Variants in KCNH8 observed in about 807,000 individuals in gnomAD.
The protein encoded by KCNH8 is voltage-gated delayed rectifier potassium channel KCNH8.
KCNH8 carries 70 observed loss-of-function variants against 103.6 expected under a neutral mutation model. The ratio of observed to expected loss-of-function variants is 0.68; its 90% CI spans 0.56 to 0.82. The LOEUF (loss-of-function observed/expected upper bound fraction) is 0.82, where lower values mean the gene tolerates loss of function less well. Among genes scored for constraint, KCNH8 ranks in the 40% least tolerant of loss-of-function variants. The probability of loss-of-function intolerance (pLI) is 0.00; values close to 1 mark genes in which losing one functional copy is unlikely to be tolerated. For missense variants in KCNH8, 1,217 were observed against 1,329.9 expected (o/e 0.92, Z 1.32); for synonymous variants, 498 against 489.4 (o/e 1.02, Z -0.23).
chr3:19,290,569 A>T lies in KCNH8; in HGVS notation c.442+9240A>T, dbSNP rs149498603. ...TACATTTATTGATTTGCGTATGTTG[A>T]ACCAGCCTTGCATCCCAGGGTTGAA... On this transcript the variant is annotated intron_variant, in intron 3 of 15. Transcript: ENST00000328405. Among the ~76,000 whole-genome samples, 438 of 152,272 alleles carry T rather than the reference A, an allele frequency of 2.9e-3. 3 individuals are homozygous for T. The highest frequency in any genetic ancestry group is 9.9e-3 in the African/African-American group (413 of 41,550).
At chr3:19,287,778 G>A (rs934447649) in intron 3 of KCNH8, among the ~76,000 whole-genome samples, 4 of 152,130 alleles carry the variant, frequency 2.6e-5, no homozygotes, top group Non-Finnish European at 5.9e-5. Context: ...TAGAGACGGG[G>A]TTTCATCATG....
intron 2 of KCNH8, among the ~76,000 whole-genome samples, chr3:19,267,363 G>T (rs1275020516): frequency 6.6e-6 from 1 of 152,056 alleles, no homozygotes; most frequent in Non-Finnish European, 1.5e-5. Context: ...TAGAAACTCC[G>T]GCATGTAAAT....
intron 1 of KCNH8, among the ~76,000 whole-genome samples, chr3:19,166,248 T>G (rs2063282411): frequency 6.6e-6 from 1 of 152,234 alleles, no homozygotes; most frequent in Non-Finnish European, 1.5e-5. Context: ...TAAAATGGCT[T>G]TTTTATTTCC....
At chr3:19,280,971 T>C (rs982933272) in intron 2 of KCNH8, among the ~76,000 whole-genome samples, 4 of 152,118 alleles carry the variant, frequency 2.6e-5, no homozygotes, top group Non-Finnish European at 5.9e-5. Flanking sequence ...CAAGTGTTTT[T>C]GTTTAAAATA....
chr3:19,150,888 A>G (rs968950172), intron 1 of KCNH8, among the ~76,000 whole-genome samples: 1 of 152,184 alleles, frequency 6.6e-6, no homozygotes, highest in African/African-American at 2.4e-5. Context: ...GCAAATTTGA[A>G]GGTGATAAGT....
chr3:19,448,975 T>G, intron 8 of KCNH8: 1 of 1,286,322 alleles, frequency 7.8e-7, no homozygotes, highest in Non-Finnish European at 1.0e-6. Flanking sequence ...TATCTGCTGG[T>G]TTAGAAACCA....
rs138716977 is a variant in KCNH8, at chr3:19,495,292, T to A, written c.2041-15071T>A. On this transcript the variant is annotated intron_variant, in intron 11 of 15. Coordinates refer to ENST00000328405, the MANE Select transcript of KCNH8 (RefSeq NM_144633.3). ...GCCAGGTCCTATGTCCAGAATGGTA[T>A]TGCCTAGGTTGTCTTCCAGAGTTTT... Among the ~76,000 whole-genome samples, 1,211 of 152,316 alleles carry A rather than the reference T, an allele frequency of 8.0e-3. 19 individuals are homozygous for A. The highest frequency in any genetic ancestry group is 0.027 in the African/African-American group (1,132 of 41,582).
rs71055060 is a variant in KCNH8 at position 19,258,947 on chromosome 3, C to CTATATATATA, written c.310+5086_310+5095dup. 2.6e-3 allele frequency among the ~76,000 whole-genome samples: 65 copies of CTATATATATA among 24,790 alleles called. 1 individual carries two copies. Among genetic ancestry groups the CTATATATATA allele is most frequent in the African/African-American group, 3.1e-3 (21 of 6,724 alleles). 16.3% of individuals were successfully genotyped at this position (24,790 alleles called of 152,430 possible). A position where few individuals can be genotyped will look rare whatever the true frequency, so the allele number is the denominator to read the frequency against. On this transcript the variant is annotated intron_variant, in intron 2 of 15. Coordinates refer to ENST00000328405, the MANE Select transcript of KCNH8 (RefSeq NM_144633.3). ...TCTCTCTCTCTCTCTCTCTCTCTCT[C>CTATATATATA]TATATATATATATATATATATATAT... is the stretch of plus-strand genomic sequence containing the variant.
intron 2 of KCNH8, among the ~76,000 whole-genome samples, chr3:19,279,314 C>T (rs2064722908): frequency 6.6e-6 from 1 of 152,110 alleles, no homozygotes; most frequent in South Asian, 2.1e-4. Flanking sequence ...GAATCACAAA[C>T]ACTTGAGTTG....
chr3:19,504,574 GA>G (rs910353120), intron 11 of KCNH8, among the ~76,000 whole-genome samples: 8 of 152,062 alleles, frequency 5.3e-5, no homozygotes, highest in African/African-American at 1.7e-4. Context: ...ACAGTCATAT[GA>G]AAAAAAGCTC....
At chr3:19,383,615 C>T (rs2066317287) in intron 5 of KCNH8, among the ~76,000 whole-genome samples, 1 of 152,158 alleles carries the variant, frequency 6.6e-6, no homozygotes, top group South Asian at 2.1e-4. Flanking sequence ...TCATGTGATC[C>T]ACCCGCCTTG....
intron 3 of KCNH8, among the ~76,000 whole-genome samples, chr3:19,314,099 T>C (rs949023761): frequency 2.6e-5 from 4 of 152,004 alleles, no homozygotes; most frequent in Admixed American, 1.3e-4. Context: ...AGCTGGGTCA[T>C]CATACTTTCT....
At chr3:19,439,850 A>G (rs2067255118) in intron 8 of KCNH8, among the ~76,000 whole-genome samples, 2 of 152,096 alleles carry the variant, frequency 1.3e-5, no homozygotes, top group South Asian at 2.1e-4. Flanking sequence ...AAGGGAATAG[A>G]TATTGCAAAG....
chr3:19,342,805 T>G, intron 4 of KCNH8, 91 bp downstream of exon 4: 1 of 1,280,440 alleles, frequency 7.8e-7, no homozygotes, highest in Non-Finnish European at 1.1e-6. Flanking sequence ...TACCCATTTA[T>G]TGGCTTGCCT....
At chr3:19,435,586 T>C (rs148183934) in intron 7 of KCNH8, among the ~76,000 whole-genome samples, 157 of 152,328 alleles carry the variant, frequency 1.0e-3, no homozygotes, top group South Asian at 2.9e-3. Context: ...ACAACATGGC[T>C]CATTCATACC....
At chr3:19,246,429 AC>A (rs1266814213) in intron 1 of KCNH8, among the ~76,000 whole-genome samples, 1 of 151,464 alleles carries the variant, frequency 6.6e-6, no homozygotes, top group African/African-American at 2.4e-5. Context: ...GGCACGTGCC[AC>A]CATGCCCAGC....
chr3:19,355,263 G>A (rs9859145), intron 5 of KCNH8, among the ~76,000 whole-genome samples: 63,230 of 151,966 alleles, frequency 0.42, 14,361 homozygotes, highest in African/African-American at 0.6. Flanking sequence ...GGAGAAATAG[G>A]AACACTTTTA....
chr3:19,209,474 T>C (rs1436402185), intron 1 of KCNH8, among the ~76,000 whole-genome samples: 1 of 152,114 alleles, frequency 6.6e-6, no homozygotes, highest in African/African-American at 2.4e-5. Flanking sequence ...AAGTAGGTTC[T>C]TCTAAACAAA....
intron 7 of KCNH8, among the ~76,000 whole-genome samples, chr3:19,413,194 GA>G (rs796510772): frequency 0.038 from 4,847 of 126,774 alleles, 90 homozygotes; most frequent in African/African-American, 0.048. Context: ...TAGCCAAAAA[GA>G]AAAAAAAAAA....
Sources: allele counts gnomAD v4.1 joint callset (sites outside exome capture counted in the v4.1 genomes callset), GRCh38; gene constraint gnomAD v4.1.1; transcripts MANE v1.5; gene names NCBI Gene and HGNC (gene_info 2026-07-23, HGNC 2026-07-21).